Variants in ABCG5 observed in about 807,000 individuals in gnomAD.
ABCG5 encodes ATP binding cassette subfamily G member 5, also known as ATP-binding cassette sub-family G member 5.
A neutral mutation model predicts 64.5 loss-of-function variants in ABCG5; 64 were observed. The ratio of observed to expected loss-of-function variants is 0.99; its 90% CI spans 0.81 to 1.22. ABCG5 has a LOEUF of 1.22. ABCG5 is among the 50% of genes most tolerant of loss of function. The probability of loss-of-function intolerance (pLI) is 0.00; values close to 1 mark genes in which losing one functional copy is unlikely to be tolerated. For synonymous variants in ABCG5, 385 were observed against 326.3 expected, an observed-to-expected ratio of 1.18 and a Z score of -1.94; for missense variants, 908 against 829.5, an observed-to-expected ratio of 1.09 and a Z score of -1.16.
intron 4 of ABCG5, 147 bp downstream of exon 4, chr2:43,831,622 G>A (rs1349081215): frequency 7.6e-6 from 6 of 785,174 alleles, no homozygotes; most frequent in Non-Finnish European, 1.0e-5. Flanking sequence ...GCAGCACAGG[G>A]TGCACGGTGC....
downstream of ABCG5, among the ~76,000 whole-genome samples, chr2:43,807,765 A>G (rs984377268): frequency 6.6e-6 from 1 of 151,284 alleles, no homozygotes; most frequent in African/African-American, 2.4e-5. Flanking sequence ...AAAAAAAAAA[A>G]AAAAAAAAGG....
Position 43,812,616 on chromosome 2 carries a change from C to T in ABCG5, c.*500G>A, listed in dbSNP as rs1475335908. The T allele has an allele frequency of 1.1e-5, 2 of 176,516 alleles. No homozygotes were observed. The highest frequency in any genetic ancestry group is 2.4e-5 in the African/African-American group (1 of 41,670). 10.9% of individuals were successfully genotyped at this position (176,516 alleles called of 1,614,324 possible). ...CTCCGACCCCTCGTGTGGACATCTG[C>T]ATTTAACTCTGGGTCTTCCAGGAAC... On this transcript the variant is annotated 3_prime_UTR_variant, in exon 13 of 13. Transcript: ENST00000405322.
At chr2:43,816,250 G>C (rs1666815501) in intron 11 of ABCG5, among the ~76,000 whole-genome samples, 1 of 152,240 alleles carries the variant, frequency 6.6e-6, no homozygotes, top group Non-Finnish European at 1.5e-5. Flanking sequence ...GCTGGCTGCT[G>C]AGAGGGTCTA....
At chr2:43,811,958 G>A (rs931590999), downstream of ABCG5, among the ~76,000 whole-genome samples, 1 of 152,138 alleles carries the variant, frequency 6.6e-6, no homozygotes, top group Non-Finnish European at 1.5e-5. Flanking sequence ...ACAGGTGTCT[G>A]TATTTATACA....
chr2:43,838,193 C>G lies in ABCG5; in HGVS notation c.144-238G>C. On this transcript the variant is annotated intron_variant, in intron 1 of 12. Transcript: ENST00000405322. This position sits in a 1 kb window ranked among gnomAD's most constrained non-coding sequence, Gnocchi z 4.2. ...TCTGAATGTCCTGTCCGTTTGGCTG[C>G]GAGGTGGCTGTCCCTGCATTCTTTC... 1.7e-6 allele frequency: 1 copy of G among 605,018 alleles called. No individual in the cohort carries two copies. Among genetic ancestry groups the G allele is most frequent in the Non-Finnish European group, 2.9e-6 (1 of 344,866 alleles). 37.5% of individuals were successfully genotyped at this position (605,018 alleles called of 1,614,324 possible).
At chr2:43,818,878 T>G (rs1432811843) in intron 11 of ABCG5, among the ~76,000 whole-genome samples, 1 of 152,190 alleles carries the variant, frequency 6.6e-6, no homozygotes, top group African/African-American at 2.4e-5. Context: ...AGTGATCTCT[T>G]TTTTATAAAT....
chr2:43,824,972 C>T lies in ABCG5; in HGVS notation c.821G>A (p.Cys274Tyr). 6.2e-7 allele frequency: 1 copy of T among 1,614,010 alleles called. No homozygotes were observed. The highest frequency in any genetic ancestry group is 8.5e-7 in the Non-Finnish European group (1 of 1,179,946). ...ATCAAGCATTTCCGCTGGCGTGCCACAGAAAATCAGCTCTCCGAAGCTCAG... is the reference window on the plus strand; with the variant it reads ...ATCAAGCATTTCCGCTGGCGTGCCATAGAAAATCAGCTCTCCGAAGCTCAG... The part of the protein sequence containing the change: ...AILSFGELIF[C>Y]GTPAEMLDFF... Residue 274 changes from cysteine (C) to tyrosine (Y), a missense_variant, in exon 7 of 13, where the codon TGT becomes TAT. Coordinates refer to ENST00000405322, the MANE Select transcript of ABCG5 (RefSeq NM_022436.3).
Position 43,828,356 on chromosome 2 carries a change from C to T in ABCG5, c.502-241G>A, listed in dbSNP as rs530517372. On this transcript the variant is annotated intron_variant, in intron 4 of 12. Transcript: ENST00000405322. ...GAATTTTTTAAAACGTCCCCAGAGG[C>T]TGGGTGCAGTGGCTCATGCCTGTAA... 3 of 537,910 alleles carry T rather than the reference C, an allele frequency of 5.6e-6. No individual in the cohort carries two copies. In the South Asian group the frequency reaches 5.9e-5, roughly 11 times the overall value. 33.3% of individuals were successfully genotyped at this position (537,910 alleles called of 1,614,324 possible).
intron 5 of ABCG5, among the ~76,000 whole-genome samples, chr2:43,827,731 C>G (rs1157860973): frequency 1.3e-5 from 2 of 152,164 alleles, no homozygotes; most frequent in Non-Finnish European, 2.9e-5. Context: ...AGGAAAACCC[C>G]AATGGAACAC....
At chr2:43,816,437 A>G (rs1666832898) in intron 11 of ABCG5, among the ~76,000 whole-genome samples, 1 of 152,188 alleles carries the variant, frequency 6.6e-6, no homozygotes, top group Non-Finnish European at 1.5e-5. Flanking sequence ...GGTGGCGGAG[A>G]GAGAGAAATG....
At chr2:43,809,709 T>C, downstream of ABCG5, 1 of 1,610,124 alleles carries the variant, frequency 6.2e-7, no homozygotes, top group Non-Finnish European at 8.5e-7. Flanking sequence ...TTTTAGGAAC[T>C]GGAACAGTAC....
At chr2:43,839,187 C>A (rs1342005397), upstream of ABCG5, 2 of 1,490,856 alleles carry the variant, frequency 1.3e-6, no homozygotes, top group Non-Finnish European at 1.8e-6. Flanking sequence ...TCTCTCTTCC[C>A]TCAGGAGCCT....
intron 7 of ABCG5, 62 bp downstream of exon 7, chr2:43,824,827 G>T: frequency 6.3e-7 from 1 of 1,596,634 alleles, no homozygotes; most frequent in African/African-American, 1.3e-5. Flanking sequence ...CATCCAGGCA[G>T]AAGTCTGAGA....
rs570931777 is a variant in ABCG5 at position 43,816,306 on chromosome 2, C to A, written c.1650-1717G>T. ...CTGCTGCCTTCAAGGGGTGGATAAT[C>A]TATTACAGCAAAGGAAGACCGTGAC... On this transcript the variant is annotated intron_variant, in intron 11 of 12. Coordinates refer to ENST00000405322, the MANE Select transcript of ABCG5 (RefSeq NM_022436.3). Among the ~76,000 whole-genome samples, 3 of 152,268 alleles carry A rather than the reference C, an allele frequency of 2.0e-5. No individual in the cohort carries two copies. The East Asian group carries it at 5.8e-4, about 29-fold the overall frequency.
chr2:43,834,352 T>G (rs1354500060), intron 2 of ABCG5, among the ~76,000 whole-genome samples: 1 of 152,216 alleles, frequency 6.6e-6, no homozygotes, highest in Non-Finnish European at 1.5e-5. Flanking sequence ...CCAGGGATAT[T>G]AAAGCCACTT....
intron 11 of ABCG5, among the ~76,000 whole-genome samples, chr2:43,815,204 A>G (rs1666738378): frequency 6.6e-6 from 1 of 152,242 alleles, no homozygotes; most frequent in South Asian, 2.1e-4. Context: ...AAAATGAAAT[A>G]TGTCTCCTCT....
At chr2:43,838,853 C>A (rs1044098299), upstream of ABCG5, 20 of 1,299,698 alleles carry the variant, frequency 1.5e-5, no homozygotes, top group Admixed American at 3.6e-4. This position sits in a 1 kb window ranked among gnomAD's most constrained non-coding sequence, Gnocchi z 4.2. Context: ...GTACCTTTAG[C>A]CAGCGCGTCC....
rs771802286 is a variant in ABCG5, at chr2:43,824,057, G to A, written c.1180C>T (p.Leu394=). ...AAAAGGAGGAACAAACCCATGATCA[G>A]ATTCTGAAGGAGACGCGTAATCACT... ...LAVITRLLQN[L]IMGLFLLFFV... is the part of the protein sequence containing the mutation. The change falls in exon 9 of 13, where the codon CTG becomes TTG. Residue 394 remains leucine (L), a synonymous_variant. Coordinates refer to ENST00000405322, the MANE Select transcript of ABCG5 (RefSeq NM_022436.3). The A allele has an allele frequency of 4.8e-5, 77 of 1,614,070 alleles. No individual in the cohort carries two copies. Among genetic ancestry groups the A allele is most frequent in the Non-Finnish European group, 5.3e-5 (62 of 1,180,030 alleles).
chr2:43,836,496 T>A (rs17031700), intron 2 of ABCG5, among the ~76,000 whole-genome samples: 1 of 152,134 alleles, frequency 6.6e-6, no homozygotes, highest in Non-Finnish European at 1.5e-5. Flanking sequence ...CTTTTAACCT[T>A]AAAATGTAGA....
Sources: allele counts gnomAD v4.1 joint callset (sites outside exome capture counted in the v4.1 genomes callset), GRCh38; gene constraint gnomAD v4.1.1; non-coding constraint Gnocchi (gnomAD v3.1); transcripts MANE v1.5; gene names NCBI Gene and HGNC (gene_info 2026-07-23, HGNC 2026-07-21).